The following CFDP1 variants were observed in gnomAD, a reference collection of about 807,000 sequenced individuals.
The protein encoded by CFDP1 is chromatin remodeling protein CFDP1.
Under a neutral mutation model 40.1 loss-of-function variants are expected in CFDP1, and 31 were observed. The ratio of observed to expected loss-of-function variants is 0.77; its 90% CI spans 0.58 to 1.04. The LOEUF is 1.04. Ranked by LOEUF, CFDP1 falls within the 50% of genes least tolerant of loss-of-function variation. The pLI is 0.00. For synonymous variants in CFDP1, 167 were observed against 120.0 expected, an observed-to-expected ratio of 1.39 and a Z score of -2.56; for missense variants, 423 against 343.4, an observed-to-expected ratio of 1.23 and a Z score of -1.83.
chr16:75,380,336 T>C (rs2078842318), intron 5 of CFDP1, among the ~76,000 whole-genome samples: 1 of 151,990 alleles, frequency 6.6e-6, no homozygotes, highest in African/African-American at 2.4e-5. Context: ...TCCGGGTATT[T>C]GGATCAAAGA....
intron 1 of CFDP1, among the ~76,000 whole-genome samples, chr16:75,430,988 C>A (rs143750909): frequency 3.3e-5 from 5 of 152,008 alleles, no homozygotes; most frequent in African/African-American, 9.7e-5. Flanking sequence ...TGGTTGGGGG[C>A]GCCTTAGAAT....
chr16:75,368,882 G>T (rs897293234), intron 5 of CFDP1, among the ~76,000 whole-genome samples: 1 of 149,850 alleles, frequency 6.7e-6, no homozygotes, highest in Admixed American at 6.7e-5. Flanking sequence ...TTGTTTGTTT[G>T]TTTTTTTTTA....
chr16:75,345,416 C>T (rs1342972355), intron 5 of CFDP1, among the ~76,000 whole-genome samples: 1 of 152,022 alleles, frequency 6.6e-6, no homozygotes, highest in Non-Finnish European at 1.5e-5. Flanking sequence ...TAGACCGTAC[C>T]ACTTTACCTC....
chr16:75,335,724 T>C lies in CFDP1; in HGVS notation c.651-30542A>G, dbSNP rs368656234. Among the ~76,000 whole-genome samples the C allele has an allele frequency of 1.2e-4, 19 of 152,098 alleles. 3 individuals are homozygous for C. Among genetic ancestry groups the C allele is most frequent in the Admixed American group, 5.9e-4 (9 of 15,284 alleles). On this transcript the variant is annotated intron_variant, in intron 5 of 6. Coordinates refer to ENST00000283882, the MANE Select transcript of CFDP1 (RefSeq NM_006324.3). ...GGCGCCCGCCACCATGCCCGGATAA[T>C]TTTTTGTGTTTTTAGCAGAGACGGG...
intron 5 of CFDP1, among the ~76,000 whole-genome samples, chr16:75,378,337 CAT>C (rs2078820755): frequency 6.6e-6 from 1 of 151,988 alleles, no homozygotes; most frequent in African/African-American, 2.4e-5. Context: ...TCATTCCAAT[CAT>C]ATAACAGACA....
chr16:75,327,513 T>C (rs1374998224), intron 5 of CFDP1, among the ~76,000 whole-genome samples: 2 of 152,068 alleles, frequency 1.3e-5, no homozygotes, highest in Non-Finnish European at 2.9e-5. Context: ...TAGAATAGTA[T>C]AGACTATAGT....
chr16:75,353,181 A>G (rs1375055956), intron 5 of CFDP1, among the ~76,000 whole-genome samples: 1 of 152,234 alleles, frequency 6.6e-6, no homozygotes, highest in Non-Finnish European at 1.5e-5. Flanking sequence ...CCATGTATAG[A>G]CCTTACTGGA....
chr16:75,392,174 AGG>A (rs1215613808), intron 5 of CFDP1, among the ~76,000 whole-genome samples: 1 of 151,892 alleles, frequency 6.6e-6, no homozygotes, highest in Admixed American at 6.6e-5. Context: ...GGGAGGCTGA[AGG>A]GGGTGGATCA....
At chr16:75,368,219 C>A (rs1252930505) in intron 5 of CFDP1, among the ~76,000 whole-genome samples, 3 of 152,130 alleles carry the variant, frequency 2.0e-5, no homozygotes, top group African/African-American at 7.2e-5. Context: ...TGAACACTGA[C>A]TAAATACTGG....
chr16:75,336,165 A>G lies in CFDP1; in HGVS notation c.651-30983T>C, dbSNP rs950182106. Among the ~76,000 whole-genome samples the G allele has an allele frequency of 2.0e-5, 3 of 152,214 alleles. No homozygotes were observed. The East Asian group carries it at 5.8e-4, about 29-fold the overall frequency. The stretch of plus-strand genomic sequence containing the variant: ...AGTTGTTATTAAGCAAACACTGAGC[A>G]CTTTCTCTCAGCCAGACAGACATTG... On this transcript the variant is annotated intron_variant, in intron 5 of 6. Transcript: ENST00000283882.
intron 4 of CFDP1, among the ~76,000 whole-genome samples, chr16:75,410,495 C>T (rs529223483): frequency 3.3e-5 from 5 of 151,982 alleles, no homozygotes; most frequent in Non-Finnish European, 7.4e-5. Flanking sequence ...ATATTGAGGC[C>T]GGGGACAGTG....
At chr16:75,389,471 T>C (rs1340585839) in intron 5 of CFDP1, among the ~76,000 whole-genome samples, 1 of 152,218 alleles carries the variant, frequency 6.6e-6, no homozygotes, top group Non-Finnish European at 1.5e-5. Context: ...GAAATGCATT[T>C]TTAGTTACAA....
At chr16:75,325,281 C>T (rs566308721) in intron 5 of CFDP1, among the ~76,000 whole-genome samples, 1 of 152,308 alleles carries the variant, frequency 6.6e-6, no homozygotes, top group South Asian at 2.1e-4. Flanking sequence ...CTAGCACAGC[C>T]CCTTGTATAG....
At chr16:75,383,599 T>A (rs928761942) in intron 5 of CFDP1, among the ~76,000 whole-genome samples, 2 of 152,232 alleles carry the variant, frequency 1.3e-5, no homozygotes, top group African/African-American at 4.8e-5. Context: ...GGTGGGCGGA[T>A]CATGAGGTCA....
At chr16:75,395,248 T>A in intron 4 of CFDP1, 39 bp from the exon 5 acceptor site, 3 of 1,603,200 alleles carry the variant, frequency 1.9e-6, no homozygotes, top group Non-Finnish European at 2.6e-6. Flanking sequence ...ACAAGAAGAA[T>A]AAAGAGAAAG....
rs753608526 is a variant in CFDP1, at chr16:75,433,276, C to G, written c.64+13G>C. On this transcript the variant is annotated intron_variant, in intron 1 of 6. Coordinates refer to ENST00000283882, the MANE Select transcript of CFDP1 (RefSeq NM_006324.3). ...GGGGCAATTCGCTTCTCGCCTCAGG[C>G]GGAATCGCTCACCCGACGGCACGTA... 1 of 1,592,834 alleles carries G rather than the reference C, an allele frequency of 6.3e-7. No individual in the cohort carries two copies. Among genetic ancestry groups the G allele is most frequent in the Non-Finnish European group, 8.5e-7 (1 of 1,171,892 alleles).
intron 1 of CFDP1, among the ~76,000 whole-genome samples, chr16:75,426,599 C>A (rs1413847269): frequency 2.0e-5 from 3 of 151,232 alleles, no homozygotes; most frequent in African/African-American, 7.3e-5. Flanking sequence ...TTGTTTGAGC[C>A]CAGGAAGTAA....
At chr16:75,416,295 G>C (rs1479738739) in intron 1 of CFDP1, among the ~76,000 whole-genome samples, 1 of 152,038 alleles carries the variant, frequency 6.6e-6, no homozygotes, top group Admixed American at 6.6e-5. Flanking sequence ...GAGGGGATGG[G>C]GAGGGGGACA....
chr16:75,387,170 C>T (rs1236106829), intron 5 of CFDP1, among the ~76,000 whole-genome samples: 4 of 148,854 alleles, frequency 2.7e-5, no homozygotes, highest in Non-Finnish European at 4.4e-5. Context: ...GACGGAGTCT[C>T]GCTCTTGTTG....
Sources: allele counts gnomAD v4.1 joint callset (sites outside exome capture counted in the v4.1 genomes callset), GRCh38; gene constraint gnomAD v4.1.1; transcripts MANE v1.5; gene names NCBI Gene and HGNC (gene_info 2026-07-23, HGNC 2026-07-21).